CD244: variants seen among roughly 807,000 people sequenced by gnomAD.
CD244 encodes CD244 molecule, also known as natural killer cell receptor 2B4.
CD244 carries 20 observed loss-of-function variants against 45.5 expected under a neutral mutation model. That is an observed-to-expected ratio of 0.44 (90% CI 0.31 to 0.64). The LOEUF (loss-of-function observed/expected upper bound fraction) is 0.64. CD244 is among the 30% of genes least tolerant of loss of function. CD244 has a pLI of 0.08. For missense variants in CD244, 407 were observed against 426.9 expected, an observed-to-expected ratio of 0.95 and a Z score of 0.41; for synonymous variants, 185 against 160.5, an observed-to-expected ratio of 1.15 and a Z score of -1.15.
intron 1 of CD244, among the ~76,000 whole-genome samples, chr1:160,861,793 C>T (rs1189538052): frequency 6.6e-6 from 1 of 152,052 alleles, no homozygotes; most frequent in Non-Finnish European, 1.5e-5. Flanking sequence ...GCCAAGATCA[C>T]GCCACTGCAC....
intron 1 of CD244, among the ~76,000 whole-genome samples, chr1:160,860,704 A>G (rs1294933474): frequency 6.6e-6 from 1 of 152,250 alleles, no homozygotes; most frequent in Non-Finnish European, 1.5e-5. Context: ...AAAGAGAAAT[A>G]AAGTAAATGT....
intron 5 of CD244, among the ~76,000 whole-genome samples, chr1:160,837,726 C>T (rs1257438753): frequency 6.6e-6 from 1 of 152,248 alleles, no homozygotes; most frequent in Non-Finnish European, 1.5e-5. Flanking sequence ...ACCCACCCTG[C>T]CCCACTTCCT....
chr1:160,855,148 C>G (rs1326546552), intron 1 of CD244, among the ~76,000 whole-genome samples: 1 of 152,142 alleles, frequency 6.6e-6, no homozygotes, highest in East Asian at 1.9e-4. Flanking sequence ...ACTTGTGCTT[C>G]TGTTTTCTTA....
chr1:160,841,159 T>G (rs894604340), intron 3 of CD244, 51 bp downstream of exon 3: 4 of 1,569,218 alleles, frequency 2.5e-6, no homozygotes, highest in Non-Finnish European at 3.5e-6. Flanking sequence ...TGAGCCTGGT[T>G]GCGGGGTCCA....
intron 6 of CD244, 60 bp from the exon 7 acceptor site, chr1:160,834,176 G>T (rs373684802): frequency 1.3e-5 from 16 of 1,262,530 alleles, no homozygotes; most frequent in Middle Eastern, 1.9e-4. Context: ...TCTTACAAAG[G>T]TTATCTCTTC....
Position 160,831,247 on chromosome 1 carries a change from G to T in CD244, c.*100C>A. On this transcript the variant is annotated 3_prime_UTR_variant, in exon 9 of 9. Transcript: ENST00000368034. ...AGAACAAATTTCCATATCCTCTCCA[G>T]ACTAGGAACTGTTCTATAGAGACTC... 1.2e-6 allele frequency: 1 copy of T among 816,166 alleles called. No individual in the cohort carries two copies. The highest frequency in any genetic ancestry group is 2.1e-6 in the Non-Finnish European group (1 of 482,912). The allele number at this position is 816,166 out of a possible 1,614,324, so 50.6% of individuals were successfully genotyped here.
chr1:160,845,093 C>G (rs1218757460), intron 1 of CD244, among the ~76,000 whole-genome samples: 1 of 152,104 alleles, frequency 6.6e-6, no homozygotes, highest in Non-Finnish European at 1.5e-5. Flanking sequence ...TGAGCCCAGC[C>G]CAAATTGCCA....
chr1:160,845,275 A>G (rs2101878559), intron 1 of CD244, among the ~76,000 whole-genome samples: 1 of 152,332 alleles, frequency 6.6e-6, no homozygotes, highest in Admixed American at 6.5e-5. Context: ...AAGGTTAAAA[A>G]GGCCATTTAG....
intron 1 of CD244, among the ~76,000 whole-genome samples, chr1:160,861,839 A>AAAAT (rs900872725): frequency 3.3e-5 from 5 of 152,168 alleles, no homozygotes; most frequent in East Asian, 1.9e-4. Context: ...TCTGTCTCAA[A>AAAAT]AAATAAATAA....
At chr1:160,846,183 A>G (rs1669730057) in intron 1 of CD244, among the ~76,000 whole-genome samples, 1 of 152,186 alleles carries the variant, frequency 6.6e-6, no homozygotes, top group Admixed American at 6.5e-5. Flanking sequence ...CTCTATTTAT[A>G]GTCTTTTATC....
intron 1 of CD244, among the ~76,000 whole-genome samples, chr1:160,861,747 G>A (rs1413406250): frequency 6.6e-6 from 1 of 152,126 alleles, no homozygotes; most frequent in African/African-American, 2.4e-5. Context: ...TGAGGCATGA[G>A]AATCACTTGA....
intron 1 of CD244, among the ~76,000 whole-genome samples, chr1:160,858,701 C>T (rs149691473): frequency 2.0e-5 from 3 of 152,348 alleles, no homozygotes; most frequent in South Asian, 2.1e-4. Context: ...GCACCAGGCA[C>T]TAATCACAAC....
chr1:160,841,311 T>C lies in CD244; in HGVS notation c.554A>G (p.Asp185Gly). 1 of 1,614,188 alleles carries C rather than the reference T, an allele frequency of 6.2e-7. No individual in the cohort carries two copies. The highest frequency in any genetic ancestry group is 8.5e-7 in the Non-Finnish European group (1 of 1,180,024). ...GGTATATGTGTGAGTGCCATTAATG[T>C]CAACCTCCTCGTCCAGGTAGGTGAG... ...GNLTYLDEEV[D>G]INGTHTYTCN... Residue 185 changes from aspartate (D) to glycine (G), a missense_variant, in exon 3 of 9, where the codon GAC becomes GGC. Physicochemically the swap from Asp to Gly is moderately conservative, Grantham distance 94 (BLOSUM62 -1). Coordinates refer to ENST00000368034, the MANE Select transcript of CD244 (RefSeq NM_016382.4).
At chr1:160,853,018 C>T (rs11265495) in intron 1 of CD244, among the ~76,000 whole-genome samples, 3,990 of 151,420 alleles carry the variant, frequency 0.026, 128 homozygotes, top group African/African-American at 0.08. Context: ...AGTGAAACTC[C>T]GTCTCAAAAA....
At chr1:160,859,743 CAAA>C (rs541327271) in intron 1 of CD244, among the ~76,000 whole-genome samples, 1 of 108,670 alleles carries the variant, frequency 9.2e-6, no homozygotes, top group African/African-American at 3.0e-5. Flanking sequence ...CCTGTATCTA[CAAA>C]AAAAAAAAAA....
chr1:160,862,645 G>A lies in CD244; in HGVS notation c.33C>T (p.Leu11=), dbSNP rs374829810. 1.2e-6 allele frequency: 2 copies of A among 1,614,116 alleles called. No homozygotes were observed. The highest frequency in any genetic ancestry group is 1.7e-6 in the Non-Finnish European group (2 of 1,179,982). ...TGCCCTGATACACCTTGAGGAGCAG[G>A]AGGAGTATGAGGGTGACCACTTGCC... MLGQVVTLIL[L]LLLKVYQGKG... is the part of the protein sequence containing the mutation. The change falls in exon 1 of 9, where the codon CTC becomes CTT. Residue 11 remains leucine, a synonymous_variant. Transcript: ENST00000368034.
intron 1 of CD244, among the ~76,000 whole-genome samples, chr1:160,855,309 G>A (rs1418642156): frequency 6.6e-6 from 1 of 152,138 alleles, no homozygotes; most frequent in Non-Finnish European, 1.5e-5. Flanking sequence ...GTCCAGCTGG[G>A]GTTGGAGATT....
chr1:160,846,574 G>A (rs963101902), intron 1 of CD244, among the ~76,000 whole-genome samples: 1 of 152,044 alleles, frequency 6.6e-6, no homozygotes, highest in Non-Finnish European at 1.5e-5. Context: ...GCTGAGGCAC[G>A]AGAATCACTT....
intron 6 of CD244, among the ~76,000 whole-genome samples, chr1:160,834,793 C>T (rs1318798448): frequency 6.6e-6 from 1 of 152,222 alleles, no homozygotes; most frequent in Non-Finnish European, 1.5e-5. Flanking sequence ...CAAGACTCTC[C>T]AGGGCTCTTT....
Sources: gnomAD v4.1 joint callset for allele counts (sites outside exome capture counted in the v4.1 genomes callset) on GRCh38, gnomAD v4.1.1 for gene constraint, MANE v1.5 for transcripts, NCBI Gene and HGNC (gene_info 2026-07-23, HGNC 2026-07-21) for gene names.